Variants in SLC16A11 observed in about 807,000 individuals in gnomAD.
SLC16A11 encodes solute carrier family 16 member 11, also known as monocarboxylate transporter 11.
SLC16A11 carries 24 observed loss-of-function variants against 26.0 expected under a neutral mutation model. The ratio of observed to expected loss-of-function variants is 0.92; its 90% CI spans 0.67 to 1.30. The LOEUF is 1.30. Ranked by LOEUF, SLC16A11 falls within the 50% of genes most tolerant of loss-of-function variation. The probability of loss-of-function intolerance (pLI) is 0.00; values close to 1 mark genes in which losing one functional copy is unlikely to be tolerated. For missense variants in SLC16A11, 638 were observed against 597.7 expected, an observed-to-expected ratio of 1.07 and a Z score of -0.70; for synonymous variants, 332 against 296.0, an observed-to-expected ratio of 1.12 and a Z score of -1.25.
rs1910838285 is a variant in SLC16A11, at chr17:7,043,053, T to G, written c.223A>C (p.Ser75Arg). ...ACGGGGCGGGCCCCCCAGCGCGTGC[T>G]CAGGGCGCTGCCCACGGGGCCTGAA... ...QAASPVGSAL[S>R]TRWGARPVVM... The change falls in exon 3 of 5, where the codon AGC (serine) becomes CGC (arginine). Residue 75 changes from serine to arginine, a missense_variant. By Grantham distance (110) the Ser-to-Arg change is moderately radical. Transcript: ENST00000574600. 6.4e-7 allele frequency: 1 copy of G among 1,560,882 alleles called. No homozygotes were observed. Among genetic ancestry groups the G allele is most frequent in the African/African-American group, 1.4e-5 (1 of 73,534 alleles).
rs201763595 is a variant in SLC16A11 at position 7,043,619 on chromosome 17, G to A, written c.-6-100C>T. The A allele has an allele frequency of 4.3e-3, 6,491 of 1,504,642 alleles. 15 individuals are homozygous for A. Among genetic ancestry groups the A allele is most frequent in the Non-Finnish European group, 5.2e-3 (5,911 of 1,134,658 alleles). The allele number at this position is 1,504,642 out of a possible 1,614,324, so 93.2% of individuals were successfully genotyped here. Reference sequence around the variant, plus strand: ...TCCAGCCTCTGGCTGCTCGCCCGGGGTGGGCCCGTCACTCCGAGCGCGATG... The same window carrying A: ...TCCAGCCTCTGGCTGCTCGCCCGGGATGGGCCCGTCACTCCGAGCGCGATG... On this transcript the variant is annotated intron_variant, in intron 1 of 4. Coordinates refer to ENST00000574600, the MANE Select transcript of SLC16A11 (RefSeq NM_001370549.1).
At position 7,042,909 on chromosome 17, in the gene SLC16A11, C is replaced by A. The variant is rs373767764; in HGVS notation, c.346+21G>T. The A allele has an allele frequency of 7.4e-6, 12 of 1,612,902 alleles. No individual in the cohort carries two copies. In the African/African-American group the frequency reaches 9.3e-5, roughly 13 times the overall value. On this transcript the variant is annotated intron_variant, in intron 3 of 4. Coordinates refer to ENST00000574600, the MANE Select transcript of SLC16A11 (RefSeq NM_001370549.1). This position sits in a 1 kb window ranked among gnomAD's most constrained non-coding sequence, Gnocchi z 5.9. Reference sequence around the variant, plus strand: ...GTCACCTCCTTCACCCTGAATGACCCGGGCATCCCACTTCCCTCACCAGCG... The same window carrying A: ...GTCACCTCCTTCACCCTGAATGACCAGGGCATCCCACTTCCCTCACCAGCG...
At chr17:7,043,222 C>T in intron 2 of SLC16A11, 90 bp downstream of exon 2, 1 of 1,508,708 alleles carries the variant, frequency 6.6e-7, no homozygotes, top group Non-Finnish European at 8.8e-7. Flanking sequence ...TGCCCTTTCT[C>T]AGGTTGTCGG....
At position 7,043,037 on chromosome 17, in the gene SLC16A11, GC is replaced by G; in HGVS notation, c.238del (p.Ala80ProfsTer5). On this transcript the variant is annotated frameshift_variant, in exon 3 of 5. Coordinates refer to ENST00000574600, the MANE Select transcript of SLC16A11 (RefSeq NM_001370549.1). LOFTEE classifies it high-confidence loss of function. ...VGSALSTRWG[A>X]RPVVMVGGVL... The stretch of plus-strand genomic sequence containing the variant: ...GCCCCCAACCATCACCACGGGGCGG[GC>G]CCCCCAGCGCGTGCTCAGGGCGCTG... 6.4e-7 allele frequency: 1 copy of G among 1,573,154 alleles called. No homozygotes were observed. The highest frequency in any genetic ancestry group is 8.6e-7 in the Non-Finnish European group (1 of 1,159,302).
At position 7,042,366 on chromosome 17, in the gene SLC16A11, C is replaced by A; in HGVS notation, c.744G>T (p.Arg248=). Residue 248 remains arginine, a synonymous_variant, in exon 4 of 5, where the codon CGG becomes CGT. Transcript: ENST00000574600. This position sits in a 1 kb window ranked among gnomAD's most constrained non-coding sequence, Gnocchi z 5.9. ...YVHLAPHALD[R]GLGGYGAALV... ...GCGCTGCTCCGTATCCCCCCAGGCC[C>A]CGGTCTAAAGCGTGGGGAGCCAAGT... The A allele has an allele frequency of 6.4e-7, 1 of 1,565,348 alleles. No individual in the cohort carries two copies. Among genetic ancestry groups the A allele is most frequent in the Non-Finnish European group, 8.7e-7 (1 of 1,154,096 alleles).
chr17:7,042,951 G>A lies in SLC16A11; in HGVS notation c.325C>T (p.Leu109Phe). The A allele has an allele frequency of 6.2e-7, 1 of 1,613,164 alleles. No homozygotes were observed. The highest frequency in any genetic ancestry group is 8.5e-7 in the Non-Finnish European group (1 of 1,179,834). Residue 109 changes from leucine to phenylalanine, a missense_variant, in exon 3 of 5, where the codon CTC (leucine) becomes TTC (phenylalanine). Physicochemically the swap from Leu to Phe is conservative, Grantham distance 22. Transcript: ENST00000574600. This position sits in a 1 kb window ranked among gnomAD's most constrained non-coding sequence, Gnocchi z 5.9. ...AFASDLLHLYLGLGLLAGFGW... is the reference protein window; with the variant it reads ...AFASDLLHLYFGLGLLAGFGW... ...TCACCAGCGAGGAGGCCCAGGCCGAGGTAGAGATGCAGCAGATCGCTGGCG... is the reference window on the plus strand; with the variant it reads ...TCACCAGCGAGGAGGCCCAGGCCGAAGTAGAGATGCAGCAGATCGCTGGCG...
In SLC16A11 at chr17:7,042,069, T is replaced by A. The variant is rs752693100; in HGVS notation, c.1041A>T (p.Gly347=). The A allele has an allele frequency of 1.2e-5, 20 of 1,605,408 alleles. No individual in the cohort carries two copies. Among genetic ancestry groups the A allele is most frequent in the Non-Finnish European group, 1.7e-5 (20 of 1,174,372 alleles). Reference sequence around the variant, plus strand: ...CCAGCCCTGTGGCCTGCACCACACCTCCGACGCCCACCAGCCCGGGGAGTA... The same window carrying A: ...CCAGCCCTGTGGCCTGCACCACACCACCGACGCCCACCAGCCCGGGGAGTA... ...FGVLPGLVGV[G]GVVQATGLVM... The change falls in exon 4 of 5, where the codon GGA becomes GGT. Residue 347 remains glycine (G), a synonymous_variant. Coordinates refer to ENST00000574600, the MANE Select transcript of SLC16A11 (RefSeq NM_001370549.1). The surrounding 1 kb of genome is among the most constrained non-coding windows in gnomAD (Gnocchi z 5.9).
chr17:7,043,218 T>G (rs1200739447), intron 2 of SLC16A11, 94 bp downstream of exon 2: 1 of 1,505,214 alleles, frequency 6.6e-7, no homozygotes, highest in Non-Finnish European at 8.8e-7. Context: ...CGGTTGCCCT[T>G]TCTCAGGTTG....
Position 7,044,089 on chromosome 17 carries a change from A to T in SLC16A11, c.-321T>A, listed in dbSNP as rs1457031792. On this transcript the variant is annotated 5_prime_UTR_variant, in exon 1 of 5. Transcript: ENST00000574600. ...CCCGGGGGAGGGGGGAGCGGCGAGA[A>T]ATGAATGCAGAGGGGCCCTGCCCTA... Among the ~76,000 whole-genome samples the T allele has an allele frequency of 6.6e-6, 1 of 151,932 alleles. No homozygotes were observed. The highest frequency in any genetic ancestry group is 1.5e-5 in the Non-Finnish European group (1 of 67,960).
At position 7,043,600 on chromosome 17, in the gene SLC16A11, C is replaced by A. The variant is rs200157542; in HGVS notation, c.-6-81G>T. The A allele has an allele frequency of 2.1e-5, 32 of 1,516,720 alleles. No homozygotes were observed. The East Asian group carries it at 7.1e-4, about 34-fold the overall frequency. The allele number at this position is 1,516,720 out of a possible 1,614,324, so 94.0% of individuals were successfully genotyped here. A position where few individuals can be genotyped will look rare whatever the true frequency, so the allele number is the denominator to read the frequency against. On this transcript the variant is annotated intron_variant, in intron 1 of 4. Transcript: ENST00000574600. ...GGAGCTGGCATCCCTGAGATCCAGC[C>A]TCTGGCTGCTCGCCCGGGGTGGGCC...
Position 7,042,089 on chromosome 17 carries a change from G to A in SLC16A11, c.1021C>T (p.Pro341Ser). ...ACACCTCCGACGCCCACCAGCCCGGGGAGTACACCGAAAACCAGCGGGGCG... is the reference window on the plus strand; with the variant it reads ...ACACCTCCGACGCCCACCAGCCCGGAGAGTACACCGAAAACCAGCGGGGCG... The part of the protein sequence containing the change: ...SYAPLVFGVL[P>S]GLVGVGGVVQ... The change falls in exon 4 of 5, where the codon CCC becomes TCC. Residue 341 changes from proline (P) to serine (S), a missense_variant. Pro to Ser is a moderately conservative substitution (Grantham distance 74). Coordinates refer to ENST00000574600, the MANE Select transcript of SLC16A11 (RefSeq NM_001370549.1). The surrounding 1 kb of genome is among the most constrained non-coding windows in gnomAD (Gnocchi z 5.9). The A allele has an allele frequency of 1.2e-6, 2 of 1,607,476 alleles. No individual in the cohort carries two copies. The highest frequency in any genetic ancestry group is 1.7e-6 in the Non-Finnish European group (2 of 1,175,984).
In SLC16A11 at chr17:7,042,357, C is replaced by G. The variant is rs1477063330; in HGVS notation, c.753G>C (p.Gly251=). The G allele has an allele frequency of 1.3e-6, 2 of 1,562,462 alleles. No individual in the cohort carries two copies. The highest frequency in any genetic ancestry group is 1.7e-6 in the Non-Finnish European group (2 of 1,152,742). Residue 251 remains glycine, a synonymous_variant, in exon 4 of 5, where the codon GGG becomes GGC. Transcript: ENST00000574600. This position sits in a 1 kb window ranked among gnomAD's most constrained non-coding sequence, Gnocchi z 5.9. The part of the protein sequence containing the change: ...LAPHALDRGL[G]GYGAALVVAV... ...CCACCACCAGCGCTGCTCCGTATCC[C>G]CCCAGGCCCCGGTCTAAAGCGTGGG...
In SLC16A11 at chr17:7,041,715, T is replaced by A. The variant is rs780498811; in HGVS notation, c.1308A>T (p.Pro436=). 6.2e-7 allele frequency: 1 copy of A among 1,612,322 alleles called. No homozygotes were observed. The highest frequency in any genetic ancestry group is 1.1e-5 in the South Asian group (1 of 91,028). Residue 436 remains proline, a synonymous_variant, in exon 5 of 5, where the codon CCA becomes CCT. Coordinates refer to ENST00000574600, the MANE Select transcript of SLC16A11 (RefSeq NM_001370549.1). ...TGTCCAGAGTGGAGCCAGGGCCTCC[T>A]GGGGACAGCAAGACTGCCTGGGGAG... ...LPAPQAVLLS[P]GGPGSTLDTT...
Position 7,042,688 on chromosome 17 carries a change from G to A in SLC16A11, c.422C>T (p.Ala141Val). 1 of 1,552,176 alleles carries A rather than the reference G, an allele frequency of 6.4e-7. No individual in the cohort carries two copies. Among genetic ancestry groups the A allele is most frequent in the Non-Finnish European group, 8.7e-7 (1 of 1,152,896 alleles). Residue 141 changes from alanine to valine, a missense_variant, in exon 4 of 5, where the codon GCG (alanine) becomes GTG (valine). Transcript: ENST00000574600. The surrounding 1 kb of genome is among the most constrained non-coding windows in gnomAD (Gnocchi z 5.9). ...GTTGCCGGTGAGCGCCAGCCCCACCGCCAAGACTCGACGGCGGGAGAAGTA... is the reference window on the plus strand; with the variant it reads ...GTTGCCGGTGAGCGCCAGCCCCACCACCAAGACTCGACGGCGGGAGAAGTA... ...SRYFSRRRVLAVGLALTGNGA... is the reference protein window; with the variant it reads ...SRYFSRRRVLVVGLALTGNGA...
rs770365297 is a variant in SLC16A11, at chr17:7,043,423, GC to G, written c.90del (p.Leu31CysfsTer44). 1 of 1,603,222 alleles carries G rather than the reference GC, an allele frequency of 6.2e-7. No homozygotes were observed. The highest frequency in any genetic ancestry group is 1.7e-4 in the Middle Eastern group (1 of 5,964). On this transcript the variant is annotated frameshift_variant, in exon 2 of 5. Coordinates refer to ENST00000574600, the MANE Select transcript of SLC16A11 (RefSeq NM_001370549.1). LOFTEE classifies it high-confidence loss of function. ...AAGGCAAGGCCCAGCGAGCGCAGCA[GC>G]CCGTAGGACAGCCCGTTTATCGCGA... is the stretch of plus-strand genomic sequence containing the variant. ...AAFAINGLSY[G>X]LLRSLGLAFP...
rs1200423269 is a variant in SLC16A11 at position 7,042,697 on chromosome 17, C to T, written c.413G>A (p.Arg138Gln). ...GTLSRYFSRR[R>Q]VLAVGLALTG... ...GAGCGCCAGCCCCACCGCCAAGACT[C>T]GACGGCGGGAGAAGTAACGCGAGAG... Residue 138 changes from arginine (R) to glutamine (Q), a missense_variant, in exon 4 of 5, where the codon CGA becomes CAA. Transcript: ENST00000574600. This position sits in a 1 kb window ranked among gnomAD's most constrained non-coding sequence, Gnocchi z 5.9. 2 of 1,550,142 alleles carry T rather than the reference C, an allele frequency of 1.3e-6. No individual in the cohort carries two copies. Among genetic ancestry groups the T allele is most frequent in the South Asian group, 1.2e-5 (1 of 84,926 alleles).
chr17:7,041,820 C>T lies in SLC16A11; in HGVS notation c.1203G>A (p.Gly401=). Residue 401 remains glycine, a synonymous_variant, in exon 5 of 5, where the codon GGG becomes GGA. Transcript: ENST00000574600. ...CACAGGAGGGCAGCGCCCTGGGCAA[C>T]CCTATGTAGATGAAGCTGCCGGAGA... The part of the protein sequence containing the change: ...LILSGSFIYI[G]LPRALPSCGP... 1 of 1,613,866 alleles carries T rather than the reference C, an allele frequency of 6.2e-7. No homozygotes were observed. The highest frequency in any genetic ancestry group is 8.5e-7 in the Non-Finnish European group (1 of 1,179,960).
At position 7,042,959 on chromosome 17, in the gene SLC16A11, T is replaced by G. The variant is rs769188847; in HGVS notation, c.317A>C (p.His106Pro). 1.9e-5 allele frequency: 31 copies of G among 1,612,852 alleles called. No homozygotes were observed. The highest frequency in any genetic ancestry group is 3.4e-6 in the Non-Finnish European group (4 of 1,179,800). The change falls in exon 3 of 5, where the codon CAT becomes CCT. Residue 106 changes from histidine to proline, a missense_variant. Transcript: ENST00000574600. This position sits in a 1 kb window ranked among gnomAD's most constrained non-coding sequence, Gnocchi z 5.9. ...GAGGAGGCCCAGGCCGAGGTAGAGA[T>G]GCAGCAGATCGCTGGCGAAAGCCGA... ...VFSAFASDLL[H>P]LYLGLGLLAG...
Position 7,042,454 on chromosome 17 carries a change from G to C in SLC16A11, c.656C>G (p.Ala219Gly). 1.3e-6 allele frequency: 2 copies of C among 1,556,542 alleles called. No individual in the cohort carries two copies. Among genetic ancestry groups the C allele is most frequent in the Non-Finnish European group, 1.7e-6 (2 of 1,149,822 alleles). Residue 219 changes from alanine to glycine, a missense_variant, in exon 4 of 5, where the codon GCC becomes GGC. Ala to Gly is a moderately conservative substitution (Grantham distance 60). Coordinates refer to ENST00000574600, the MANE Select transcript of SLC16A11 (RefSeq NM_001370549.1). The surrounding 1 kb of genome is among the most constrained non-coding windows in gnomAD (Gnocchi z 5.9). ...TGTGCCTAGAGCAAAGATTGAGAAG[G>C]CCCGGCGTGTGAACAGACTCAGGCC... ...ALGLSLFTRR[A>G]FSIFALGTAL...
Sources: allele counts gnomAD v4.1 joint callset (sites outside exome capture counted in the v4.1 genomes callset), GRCh38; gene constraint gnomAD v4.1.1; non-coding constraint Gnocchi (gnomAD v3.1); transcripts MANE v1.5; gene names NCBI Gene and HGNC (gene_info 2026-07-23, HGNC 2026-07-21).